The following RPA3 variants were observed in gnomAD, a reference collection of about 807,000 sequenced individuals.
RPA3 encodes replication protein A 14 kDa subunit.
In RPA3, 24 loss-of-function variants were observed where a neutral mutation model predicts 13.7. The ratio of observed to expected loss-of-function variants is 1.75; its 90% confidence interval spans 1.27 to 2.46. The LOEUF is 2.46. RPA3 is among the 30% of genes most tolerant of loss of function. The pLI, the probability that RPA3 is intolerant of heterozygous loss-of-function variation, is 0.00. For synonymous variants in RPA3, 59 were observed against 51.2 expected (o/e 1.15, Z -0.65); for missense variants, 183 against 151.0 (o/e 1.21, Z -1.11).
chr7:7,704,538 A>G (rs541371802), intron 2 of RPA3, among the ~76,000 whole-genome samples: 1 of 150,588 alleles, frequency 6.6e-6, no homozygotes, highest in South Asian at 2.1e-4. Flanking sequence ...GGCGGATCAC[A>G]AAGTCAGGAG....
intron 4 of RPA3, among the ~76,000 whole-genome samples, chr7:7,667,752 T>C (rs1396984012): frequency 1.3e-5 from 2 of 152,094 alleles, no homozygotes; most frequent in Non-Finnish European, 2.9e-5. Flanking sequence ...CATTGAGAAA[T>C]ATTATATTAA....
intron 4 of RPA3, among the ~76,000 whole-genome samples, chr7:7,670,151 A>G (rs908381957): frequency 2.0e-5 from 3 of 152,198 alleles, no homozygotes; most frequent in Non-Finnish European, 2.9e-5. Flanking sequence ...TTCTTATACT[A>G]CACTTGAGTT....
chr7:7,652,208 C>T (rs1785238535), intron 4 of RPA3, among the ~76,000 whole-genome samples: 4 of 152,260 alleles, frequency 2.6e-5, no homozygotes, highest in South Asian at 2.1e-4. Context: ...TTACATTGCT[C>T]GTTTGCTCAC....
chr7:7,655,296 T>G (rs1396408431), intron 4 of RPA3, among the ~76,000 whole-genome samples: 1 of 152,216 alleles, frequency 6.6e-6, no homozygotes, highest in African/African-American at 2.4e-5. Flanking sequence ...CGTTTAAGGA[T>G]TTCATGTTTG....
chr7:7,676,398 A>T (rs768842649), intron 4 of RPA3, among the ~76,000 whole-genome samples: 9 of 152,240 alleles, frequency 5.9e-5, no homozygotes, highest in African/African-American at 1.7e-4. Flanking sequence ...AAGTTTCTCC[A>T]GTTAGTATGT....
intron 4 of RPA3, among the ~76,000 whole-genome samples, chr7:7,647,997 C>A (rs550205017): frequency 6.6e-6 from 1 of 152,126 alleles, no homozygotes; most frequent in Non-Finnish European, 1.5e-5. Flanking sequence ...CGTTTTCCAT[C>A]CTATATCTCA....
In RPA3 at chr7:7,656,471, T is replaced by G. The variant is rs182101819; in HGVS notation, c.-757-15296A>C. Among the ~76,000 whole-genome samples, 1,235 of 152,236 alleles carry G rather than the reference T, an allele frequency of 8.1e-3. 16 individuals are homozygous for G. The highest frequency in any genetic ancestry group is 0.012 in the Non-Finnish European group (811 of 68,010). On this transcript the variant is annotated intron_variant, in intron 4 of 7. Transcript: ENST00000223129. ...TCTAATGCTATTCCTCCCCTAGCCT[T>G]CCACCCCATGACAGGCCCCAGTGTG...
At chr7:7,664,049 T>C (rs1779368949) in intron 4 of RPA3, among the ~76,000 whole-genome samples, 1 of 152,208 alleles carries the variant, frequency 6.6e-6, no homozygotes, top group Non-Finnish European at 1.5e-5. Context: ...TTTTAGAGGA[T>C]TTCTACCATC....
chr7:7,668,178 G>A (rs989138385), intron 4 of RPA3, among the ~76,000 whole-genome samples: 5 of 152,098 alleles, frequency 3.3e-5, no homozygotes, highest in South Asian at 2.1e-4. Flanking sequence ...CTCCCAAAGT[G>A]CTGGGATTAC....
At chr7:7,682,823 G>C (rs1344406578) in intron 4 of RPA3, among the ~76,000 whole-genome samples, 1 of 152,200 alleles carries the variant, frequency 6.6e-6, no homozygotes, top group Non-Finnish European at 1.5e-5. Flanking sequence ...AAATTGCAAA[G>C]CAAGTATGCC....
intron 4 of RPA3, among the ~76,000 whole-genome samples, chr7:7,662,860 A>G (rs1785509456): frequency 6.6e-6 from 1 of 152,234 alleles, no homozygotes; most frequent in African/African-American, 2.4e-5. Flanking sequence ...ATTTAAAAGA[A>G]AGATATAATG....
chr7:7,670,596 A>G (rs1284555352), intron 4 of RPA3, among the ~76,000 whole-genome samples: 1 of 152,130 alleles, frequency 6.6e-6, no homozygotes, highest in Non-Finnish European at 1.5e-5. Flanking sequence ...AGTCTGTCTC[A>G]TTGCCCCATT....
intron 2 of RPA3, among the ~76,000 whole-genome samples, chr7:7,710,520 C>T (rs1434240913): frequency 6.6e-6 from 1 of 152,118 alleles, no homozygotes; most frequent in Non-Finnish European, 1.5e-5. Flanking sequence ...CTCTACAAAC[C>T]TGTATCAGAA....
chr7:7,645,330 TTC>T (rs1298536853), intron 4 of RPA3, among the ~76,000 whole-genome samples: 1 of 152,222 alleles, frequency 6.6e-6, no homozygotes, highest in Non-Finnish European at 1.5e-5. Context: ...CAAACGCTTA[TTC>T]TCACATGTGA....
intron 4 of RPA3, among the ~76,000 whole-genome samples, chr7:7,668,621 A>G (rs957205152): frequency 6.6e-6 from 1 of 152,220 alleles, no homozygotes; most frequent in African/African-American, 2.4e-5. Context: ...CAGTTTTACC[A>G]TAGGCTAATT....
chr7:7,640,288 A>C (rs777623007), intron 5 of RPA3, 32 bp downstream of exon 5: 36 of 1,609,378 alleles, frequency 2.2e-5, no homozygotes, highest in Non-Finnish European at 2.4e-5. Flanking sequence ...CCAGCTACGG[A>C]CTTGGGAGCC....
At chr7:7,691,296 T>G (rs974721678) in intron 2 of RPA3, among the ~76,000 whole-genome samples, 1 of 152,244 alleles carries the variant, frequency 6.6e-6, no homozygotes, top group Non-Finnish European at 1.5e-5. Context: ...TGTAAACAAC[T>G]GATAATATCT....
intron 2 of RPA3, among the ~76,000 whole-genome samples, chr7:7,707,031 A>C (rs1003917596): frequency 2.0e-5 from 3 of 152,166 alleles, no homozygotes; most frequent in Non-Finnish European, 2.9e-5. Flanking sequence ...AAACAGAAAC[A>C]TGACTGTGTC....
At chr7:7,695,543 C>G (rs751468878) in intron 2 of RPA3, among the ~76,000 whole-genome samples, 1 of 152,174 alleles carries the variant, frequency 6.6e-6, no homozygotes, top group Non-Finnish European at 1.5e-5. Context: ...TGTTTAGTCT[C>G]AGAGCAAGAA....
Sources: gnomAD v4.1 joint callset for allele counts (sites outside exome capture counted in the v4.1 genomes callset) on GRCh38, gnomAD v4.1.1 for gene constraint, MANE v1.5 for transcripts, NCBI Gene and HGNC (gene_info 2026-07-23, HGNC 2026-07-21) for gene names.